Variants in PCDHGB1 observed in about 807,000 individuals in gnomAD.
The protein encoded by PCDHGB1 is protocadherin gamma-B1.
A neutral mutation model predicts 56.6 loss-of-function variants in PCDHGB1; 34 were observed. That is an observed-to-expected ratio of 0.60 (90% CI 0.46 to 0.80). The LOEUF is 0.80. PCDHGB1 is among the 30% of genes least tolerant of loss of function. The probability of loss-of-function intolerance (pLI) is 0.00; values close to 1 mark genes in which losing one functional copy is unlikely to be tolerated. For missense variants in PCDHGB1, 1,278 were observed against 1,204.6 expected, an observed-to-expected ratio of 1.06 and a Z score of -0.90; for synonymous variants, 561 against 505.9, an observed-to-expected ratio of 1.11 and a Z score of -1.46.
intron 2 of PCDHGB1, among the ~76,000 whole-genome samples, chr5:141,496,104 G>A (rs950960102): frequency 6.8e-6 from 1 of 146,980 alleles, no homozygotes; most frequent in African/African-American, 2.5e-5. Context: ...CCAACACCCC[G>A]CTCTCTTCCT....
intron 1 of PCDHGB1, among the ~76,000 whole-genome samples, chr5:141,439,371 TA>T (rs1008614540): frequency 7.2e-5 from 11 of 152,034 alleles, no homozygotes; most frequent in Non-Finnish European, 1.0e-4. Flanking sequence ...CAAGAAGAAA[TA>T]AAAATAAGTC....
chr5:141,478,783 T>G (rs1435790850), intron 1 of PCDHGB1: 2 of 1,483,968 alleles, frequency 1.3e-6, no homozygotes, highest in Admixed American at 4.6e-5. Flanking sequence ...TGGACCTAAT[T>G]CACATCCTCA....
At chr5:141,478,020 A>G (rs1315422039) in intron 1 of PCDHGB1, 2 of 1,613,976 alleles carry the variant, frequency 1.2e-6, no homozygotes, top group Non-Finnish European at 1.7e-6. Flanking sequence ...CGTCCAGTCC[A>G]AGACACAGAT....
chr5:141,475,550 TA>T (rs2099365126), intron 1 of PCDHGB1, among the ~76,000 whole-genome samples: 2 of 152,246 alleles, frequency 1.3e-5, no homozygotes, highest in Non-Finnish European at 2.9e-5. Context: ...AGGGTCCGGC[TA>T]ATTGTCTGTC....
Position 141,489,089 on chromosome 5 carries a change from A to T in PCDHGB1, c.2410-5718A>T, listed in dbSNP as rs1214993065. The T allele has an allele frequency of 7.4e-5, 21 of 284,398 alleles. No homozygotes were observed. Among genetic ancestry groups the T allele is most frequent in the East Asian group, 1.1e-4 (2 of 17,560 alleles). The allele number at this position is 284,398 out of a possible 1,614,324, so 17.6% of individuals were successfully genotyped here. On this transcript the variant is annotated intron_variant, in intron 1 of 3. Coordinates refer to ENST00000523390, the MANE Select transcript of PCDHGB1 (RefSeq NM_018922.3). This position sits in a 1 kb window ranked among gnomAD's most constrained non-coding sequence, Gnocchi z 4.5. ...CCCTGCCCACCCCCGCCACTCGGTGACTAAGAACTGCTGCAAGCAGGCAAA... is the reference window on the plus strand; with the variant it reads ...CCCTGCCCACCCCCGCCACTCGGTGTCTAAGAACTGCTGCAAGCAGGCAAA...
chr5:141,397,609 G>A (rs2093544805), intron 1 of PCDHGB1, among the ~76,000 whole-genome samples: 1 of 152,186 alleles, frequency 6.6e-6, no homozygotes. Flanking sequence ...AGTGACAAGG[G>A]CAATACTTAG....
At chr5:141,478,513 G>A in intron 1 of PCDHGB1, 1 of 1,611,520 alleles carries the variant, frequency 6.2e-7, no homozygotes. Context: ...TCTATAGGCA[G>A]GTGTTGGGTG....
chr5:141,388,480 C>T (rs751470350), intron 1 of PCDHGB1: 3 of 1,613,758 alleles, frequency 1.9e-6, no homozygotes, highest in Non-Finnish European at 2.5e-6. Flanking sequence ...TTGAAGACAC[C>T]TTTGGACAGA....
At position 141,361,013 on chromosome 5, in the gene PCDHGB1, A is replaced by G. The variant is rs185853995; in HGVS notation, c.2409+8344A>G. 4.3e-6 allele frequency: 7 copies of G among 1,613,268 alleles called. No individual in the cohort carries two copies. The East Asian group carries it at 1.6e-4, about 36-fold the overall frequency. On this transcript the variant is annotated intron_variant, in intron 1 of 3. Transcript: ENST00000523390. Reference sequence around the variant, plus strand: ...GACGAACAAGTGAAACACTTTTTCAACTTAAATGAAAAAACAGGAGAAATC... The same window carrying G: ...GACGAACAAGTGAAACACTTTTTCAGCTTAAATGAAAAAACAGGAGAAATC...
Position 141,419,080 on chromosome 5 carries a change from T to G in PCDHGB1, c.2409+66411T>G, listed in dbSNP as rs1286490083. The G allele has an allele frequency of 3.1e-6, 5 of 1,613,842 alleles. No individual in the cohort carries two copies. The South Asian group carries it at 5.5e-5, about 18-fold the overall frequency. On this transcript the variant is annotated intron_variant, in intron 1 of 3. Transcript: ENST00000523390. ...ATAATTACTACAAGCTAGTAACAGA[T>G]GAGGCCCTGGATCGGGAGCAGACCC... is the stretch of plus-strand genomic sequence containing the variant.
intron 1 of PCDHGB1, chr5:141,430,554 A>G (rs372392559): frequency 3.2e-5 from 13 of 411,906 alleles, no homozygotes; most frequent in Admixed American, 4.0e-5. Context: ...CTGTTCACCA[A>G]TCGGGGAGAG....
chr5:141,413,134 G>A, intron 1 of PCDHGB1: 1 of 1,543,438 alleles, frequency 6.5e-7, no homozygotes, highest in South Asian at 1.3e-5. Flanking sequence ...AACACACAAC[G>A]TGTCCAGTGA....
In PCDHGB1 at chr5:141,350,483, A is replaced by C; in HGVS notation, c.223A>C (p.Ser75Arg). 1 of 1,613,982 alleles carries C rather than the reference A, an allele frequency of 6.2e-7. No individual in the cohort carries two copies. ...RVSAEDYFNV[S>R]LESGDLLVNG... ...TAGTGCAGAGGATTATTTCAACGTT[A>C]GTTTGGAGAGCGGGGATTTGTTAGT... Residue 75 changes from serine to arginine, a missense_variant, in exon 1 of 4, where the codon AGT (serine) becomes CGT (arginine). Physicochemically the swap from Ser to Arg is moderately radical, Grantham distance 110. Coordinates refer to ENST00000523390, the MANE Select transcript of PCDHGB1 (RefSeq NM_018922.3).
intron 1 of PCDHGB1, chr5:141,422,139 A>G (rs2096627272): frequency 6.3e-7 from 1 of 1,588,154 alleles, no homozygotes. Context: ...AAGTTCAAGT[A>G]CGGGGGTCTC....
intron 1 of PCDHGB1, among the ~76,000 whole-genome samples, chr5:141,380,453 A>T (rs1776506198): frequency 6.6e-6 from 1 of 152,216 alleles, no homozygotes; most frequent in Non-Finnish European, 1.5e-5. Context: ...TTTTAATGCA[A>T]CCAAACAAAT....
intron 1 of PCDHGB1, among the ~76,000 whole-genome samples, chr5:141,450,815 A>ATTATTAT (rs1554136868): frequency 7.9e-6 from 1 of 126,684 alleles, no homozygotes; most frequent in African/African-American, 3.3e-5. Context: ...TATTTATTTA[A>ATTATTAT]TATTATTATT....
intron 1 of PCDHGB1, chr5:141,355,496 C>G: frequency 6.2e-7 from 1 of 1,614,080 alleles, no homozygotes; most frequent in Non-Finnish European, 8.5e-7. Flanking sequence ...TGCGACAGAT[C>G]TCCAAACTGT....
chr5:141,426,802 C>G (rs2096961440), intron 1 of PCDHGB1: 1 of 456,696 alleles, frequency 2.2e-6, no homozygotes, highest in South Asian at 1.5e-5. Flanking sequence ...CAGCTCAGTT[C>G]TAATGAACAT....
At chr5:141,475,500 T>C (rs1393586791) in intron 1 of PCDHGB1, among the ~76,000 whole-genome samples, 1 of 152,248 alleles carries the variant, frequency 6.6e-6, no homozygotes, top group East Asian at 1.9e-4. Flanking sequence ...ACTGAAATTA[T>C]TAATGTCTCC....
Sources: allele counts gnomAD v4.1 joint callset (sites outside exome capture counted in the v4.1 genomes callset), GRCh38; gene constraint gnomAD v4.1.1; non-coding constraint Gnocchi (gnomAD v3.1); transcripts MANE v1.5; gene names NCBI Gene and HGNC (gene_info 2026-07-23, HGNC 2026-07-21).